Variants in ZCCHC4 observed in about 807,000 individuals in gnomAD.
ZCCHC4 encodes the protein zinc finger CCHC-type containing 4.
Under a neutral mutation model 67.7 loss-of-function variants are expected in ZCCHC4, and 54 were observed. That is an observed-to-expected ratio of 0.80 (90% confidence interval 0.64 to 1.00). The LOEUF (loss-of-function observed/expected upper bound fraction) is 1.00, where lower values mean the gene tolerates loss of function less well. ZCCHC4 is among the 50% of genes least tolerant of loss of function. ZCCHC4 has a pLI of 0.00. For missense variants in ZCCHC4, 609 were observed against 617.0 expected (o/e 0.99, Z 0.14); for synonymous variants, 198 against 213.5 (o/e 0.93, Z 0.63).
chr4:25,360,374 GTTTTGGCTGGGGCCAA>G (rs995077010), intron 8 of ZCCHC4, among the ~76,000 whole-genome samples: 1 of 152,240 alleles, frequency 6.6e-6, no homozygotes, highest in African/African-American at 2.4e-5. Context: ...ACTACAGATA[GTTTTGGCTGGGGCCAA>G]TAGCAGTGCA....
chr4:25,363,055 C>G (rs1361906748), intron 10 of ZCCHC4, among the ~76,000 whole-genome samples: 1 of 152,160 alleles, frequency 6.6e-6, no homozygotes, highest in East Asian at 1.9e-4. Flanking sequence ...TAGGTTCACT[C>G]TTGGTGTTTT....
At chr4:25,328,420 C>T (rs1289100751) in intron 3 of ZCCHC4, among the ~76,000 whole-genome samples, 1 of 151,706 alleles carries the variant, frequency 6.6e-6, no homozygotes, top group East Asian at 1.9e-4. Context: ...TTGTATTTTT[C>T]GTAGAGATGG....
chr4:25,358,431 A>G (rs1257312105), intron 8 of ZCCHC4, among the ~76,000 whole-genome samples: 1 of 152,216 alleles, frequency 6.6e-6, no homozygotes, highest in African/African-American at 2.4e-5. Flanking sequence ...TTTTAATGCC[A>G]AAAGCTAAGT....
intron 3 of ZCCHC4, among the ~76,000 whole-genome samples, chr4:25,325,694 G>A (rs1400171562): frequency 6.6e-6 from 1 of 152,202 alleles, no homozygotes; most frequent in South Asian, 2.1e-4. Context: ...TCATTTTATT[G>A]ATTCTTACAC....
chr4:25,364,873 C>G, intron 11 of ZCCHC4, 149 bp from the exon 12 acceptor site: 1 of 1,069,184 alleles, frequency 9.4e-7, no homozygotes, highest in South Asian at 1.7e-5. Context: ...ACCTCTTCTC[C>G]CTGGTCTCTT....
At position 25,318,079 on chromosome 4, in the gene ZCCHC4, G is replaced by A. The variant is rs78727058; in HGVS notation, c.329+2679G>A. 1.6e-4 allele frequency among the ~76,000 whole-genome samples: 24 copies of A among 152,276 alleles called. No homozygotes were observed. The East Asian group carries it at 4.6e-3, about 29-fold the overall frequency. ...CGGAGAAAGTAGAACCACACGGTCC[G>A]TGGTTTCTTCCTTTGAACTCATCAC... is the stretch of plus-strand genomic sequence containing the variant. On this transcript the variant is annotated intron_variant, in intron 3 of 12. Transcript: ENST00000302874.
In ZCCHC4 at chr4:25,370,287, T is replaced by G. The variant is rs1721097124; in HGVS notation, c.*1123T>G. 1 of 152,110 alleles carries G rather than the reference T, an allele frequency of 6.6e-6. No individual in the cohort carries two copies. Among genetic ancestry groups the G allele is most frequent in the South Asian group, 2.1e-4 (1 of 4,810 alleles). 9.4% of individuals were successfully genotyped at this position (152,110 alleles called of 1,614,324 possible). ...GTATGATCTTGGCCAGGTCACTCTC[T>G]AAAAGCCCCGGTTTCTTCATTATTA... On this transcript the variant is annotated 3_prime_UTR_variant, in exon 13 of 13. Coordinates refer to ENST00000302874, the MANE Select transcript of ZCCHC4 (RefSeq NM_024936.3).
rs1189548266 is a variant in ZCCHC4, at chr4:25,315,328, C to G, written c.257C>G (p.Ala86Gly). Reference protein sequence around the residue: ...FQWEDEKLSGARLAAREAHNR... With the variant: ...FQWEDEKLSGGRLAAREAHNR... ...TGTACTCTCTTTCAGTTGTCAGGAGCTAGACTTGCTGCCCGAGAAGCTCAT... is the reference window on the plus strand; with the variant it reads ...TGTACTCTCTTTCAGTTGTCAGGAGGTAGACTTGCTGCCCGAGAAGCTCAT... The change falls in exon 3 of 13, where the codon GCT becomes GGT. Residue 86 changes from alanine (A) to glycine (G), a missense_variant. Transcript: ENST00000302874. 2 of 1,612,802 alleles carry G rather than the reference C, an allele frequency of 1.2e-6. No individual in the cohort carries two copies. The highest frequency in any genetic ancestry group is 8.5e-7 in the Non-Finnish European group (1 of 1,179,298).
At chr4:25,354,956 A>AAAC (rs1248905389) in intron 8 of ZCCHC4, among the ~76,000 whole-genome samples, 2 of 130,264 alleles carry the variant, frequency 1.5e-5, no homozygotes, top group Non-Finnish European at 3.2e-5. Flanking sequence ...ATAAGCCCCC[A>AAAC]AACCACAATG....
At chr4:25,339,898 G>A (rs1273187739) in intron 5 of ZCCHC4, among the ~76,000 whole-genome samples, 1 of 149,862 alleles carries the variant, frequency 6.7e-6, no homozygotes, top group Non-Finnish European at 1.5e-5. Context: ...TTGAGACGGA[G>A]TCTTGCTGTC....
chr4:25,361,912 G>T lies in ZCCHC4; in HGVS notation c.1065G>T (p.Gln355His), dbSNP rs1720754210. The change falls in exon 9 of 13, where the codon CAG becomes CAT. Residue 355 changes from glutamine to histidine, a missense_variant. Coordinates refer to ENST00000302874, the MANE Select transcript of ZCCHC4 (RefSeq NM_024936.3). ...AACACGGAAAGACAGGTCGAAAACA[G>T]TCTCCCGTGCGTATTTTCACCAACA... ...LYKHGKTGRK[Q>H]SPVRIFTNIP... The T allele has an allele frequency of 6.2e-7, 1 of 1,613,888 alleles. No homozygotes were observed. The highest frequency in any genetic ancestry group is 2.2e-5 in the East Asian group (1 of 44,878).
At position 25,352,249 on chromosome 4, in the gene ZCCHC4, TC is replaced by T. The variant is rs1379659417; in HGVS notation, c.1011+565del. ...CTTCACAGCAATGACTATGGAATTT[TC>T]CCCCTGCCTGAAATGAGAATGAGGC... On this transcript the variant is annotated intron_variant, in intron 8 of 12. Coordinates refer to ENST00000302874, the MANE Select transcript of ZCCHC4 (RefSeq NM_024936.3). 3.0e-6 allele frequency: 3 copies of T among 985,284 alleles called. No homozygotes were observed. The East Asian group carries it at 3.4e-4, about 112-fold the overall frequency. The allele number at this position is 985,284 out of a possible 1,614,324, so 61.0% of individuals were successfully genotyped here. A position where few individuals can be genotyped will look rare whatever the true frequency, so the allele number is the denominator to read the frequency against.
chr4:25,338,770 G>A (rs1249395872), intron 5 of ZCCHC4, among the ~76,000 whole-genome samples: 1 of 152,054 alleles, frequency 6.6e-6, no homozygotes, highest in African/African-American at 2.4e-5. Context: ...CTACTATACG[G>A]ATATACCAAA....
At chr4:25,333,636 C>A (rs937622417) in intron 4 of ZCCHC4, among the ~76,000 whole-genome samples, 178 bp downstream of exon 4, 1 of 152,178 alleles carries the variant, frequency 6.6e-6, no homozygotes, top group East Asian at 1.9e-4. Context: ...TGAGAAAAAT[C>A]TTCATAGATT....
chr4:25,348,396 G>C (rs1720125863), intron 6 of ZCCHC4, among the ~76,000 whole-genome samples: 1 of 152,136 alleles, frequency 6.6e-6, no homozygotes, highest in Non-Finnish European at 1.5e-5. Context: ...TTTGTATACT[G>C]TGTTGACTTA....
intron 8 of ZCCHC4, among the ~76,000 whole-genome samples, chr4:25,360,922 G>A (rs1186294180): frequency 6.6e-6 from 1 of 152,194 alleles, no homozygotes; most frequent in Non-Finnish European, 1.5e-5. Context: ...TAGCCAATGG[G>A]CTGAACTTAG....
chr4:25,317,047 A>G (rs577225181), intron 3 of ZCCHC4, among the ~76,000 whole-genome samples: 60 of 152,320 alleles, frequency 3.9e-4, no homozygotes, highest in African/African-American at 1.4e-3. Context: ...AACTTGTGAA[A>G]AGAATTTATC....
At chr4:25,356,675 G>C (rs1200115876) in intron 8 of ZCCHC4, among the ~76,000 whole-genome samples, 1 of 151,400 alleles carries the variant, frequency 6.6e-6, no homozygotes, top group Non-Finnish European at 1.5e-5. Context: ...GAATCTCTTG[G>C]GAAGAATTTT....
chr4:25,324,946 A>C (rs545486388), intron 3 of ZCCHC4, among the ~76,000 whole-genome samples: 1 of 152,298 alleles, frequency 6.6e-6, no homozygotes, highest in African/African-American at 2.4e-5. Flanking sequence ...CCTGGCATAT[A>C]ATTTGAAATA....
Sources: gnomAD v4.1 joint callset for allele counts (sites outside exome capture counted in the v4.1 genomes callset) on GRCh38, gnomAD v4.1.1 for gene constraint, MANE v1.5 for transcripts, NCBI Gene and HGNC (gene_info 2026-07-23, HGNC 2026-07-21) for gene names.